The following VPS13C variants were observed in gnomAD, a reference collection of about 807,000 sequenced individuals.
VPS13C encodes vacuolar protein sorting 13 homolog C.
Under a neutral mutation model 456.8 loss-of-function variants are expected in VPS13C, and 358 were observed. That is an observed-to-expected ratio of 0.78 (90% confidence interval 0.72 to 0.86). VPS13C has a LOEUF of 0.86. VPS13C is among the 40% of genes least tolerant of loss of function. The probability of loss-of-function intolerance (pLI) is 0.00; values close to 1 mark genes in which losing one functional copy is unlikely to be tolerated. For synonymous variants in VPS13C, 1,578 were observed against 1,486.7 expected (o/e 1.06, Z -1.41); for missense variants, 4,818 against 4,385.4 (o/e 1.10, Z -2.79).
intron 45 of VPS13C, among the ~76,000 whole-genome samples, chr15:61,945,439 C>T (rs896772211): frequency 2.0e-5 from 3 of 152,138 alleles, no homozygotes; most frequent in Admixed American, 1.3e-4. Flanking sequence ...AAACAAGTTA[C>T]AGTGGAAAGC....
At chr15:62,007,753 A>T (rs886997483) in intron 14 of VPS13C, among the ~76,000 whole-genome samples, 8 of 152,244 alleles carry the variant, frequency 5.3e-5, no homozygotes, top group South Asian at 2.1e-4. Flanking sequence ...CACTGAGTCT[A>T]TGTGGATGAC....
chr15:61,889,891 A>G (rs1286861139), intron 67 of VPS13C, among the ~76,000 whole-genome samples: 1 of 151,938 alleles, frequency 6.6e-6, no homozygotes, highest in African/African-American at 2.4e-5. Context: ...ACACACACAC[A>G]CGCACACATT....
chr15:61,922,098 ATAGGG>A lies in VPS13C; in HGVS notation c.6976-70_6976-66del, dbSNP rs2043677383. The A allele has an allele frequency of 4.4e-5, 67 of 1,509,078 alleles. 3 individuals are homozygous for A. In the South Asian group the frequency reaches 7.4e-4, roughly 17 times the overall value. The allele number at this position is 1,509,078 out of a possible 1,614,324, so 93.5% of individuals were successfully genotyped here. ...CTTTAATTACATATTTCTGTAACCA[ATAGGG>A]AAATTATTAAGTAATCAATGTTATA... On this transcript the variant is annotated intron_variant, in intron 54 of 84. Transcript: ENST00000644861.
At chr15:61,915,089 A>G (rs2043426770) in intron 61 of VPS13C, among the ~76,000 whole-genome samples, 1 of 152,070 alleles carries the variant, frequency 6.6e-6, no homozygotes, top group Non-Finnish European at 1.5e-5. Context: ...CAGAAAAAAA[A>G]CAGGGGAAGA....
intron 45 of VPS13C, among the ~76,000 whole-genome samples, 157 bp downstream of exon 45, chr15:61,945,558 A>G (rs900770518): frequency 1.3e-5 from 2 of 152,228 alleles, no homozygotes; most frequent in Non-Finnish European, 2.9e-5. Flanking sequence ...TTTGGTTAAC[A>G]TCATGAAAAG....
chr15:61,992,444 A>G (rs1020747958), intron 16 of VPS13C, among the ~76,000 whole-genome samples: 5 of 152,196 alleles, frequency 3.3e-5, no homozygotes. Context: ...CATTCCCTGA[A>G]TAAGTAAATT....
chr15:61,973,261 T>C (rs1457895783), intron 26 of VPS13C, among the ~76,000 whole-genome samples, 193 bp downstream of exon 26: 1 of 152,168 alleles, frequency 6.6e-6, no homozygotes. Context: ...ACCCTTCATT[T>C]GTCCAACGAA....
intron 66 of VPS13C, among the ~76,000 whole-genome samples, chr15:61,900,991 C>A (rs373808516): frequency 6.6e-6 from 1 of 152,014 alleles, no homozygotes; most frequent in South Asian, 2.1e-4. Context: ...ACAAACCTGA[C>A]AAAAACAAGC....
chr15:61,870,940 C>T (rs551467824), intron 79 of VPS13C, among the ~76,000 whole-genome samples: 13 of 152,162 alleles, frequency 8.5e-5, no homozygotes, highest in Admixed American at 5.9e-4. Flanking sequence ...ATATCTTTTG[C>T]TCATTTAAAA....
chr15:62,009,953 C>T (rs937145502), intron 13 of VPS13C, among the ~76,000 whole-genome samples: 3 of 152,004 alleles, frequency 2.0e-5, no homozygotes, highest in South Asian at 4.2e-4. Flanking sequence ...TCTGGGAGGC[C>T]GAGGCGGGCA....
intron 37 of VPS13C, 105 bp from the exon 38 acceptor site, chr15:61,954,659 A>T: frequency 8.4e-7 from 1 of 1,189,048 alleles, no homozygotes; most frequent in Non-Finnish European, 1.1e-6. Context: ...GGCAATGAAA[A>T]TCCACGAATT....
chr15:62,019,040 G>A (rs562571954), intron 9 of VPS13C, among the ~76,000 whole-genome samples: 37 of 152,064 alleles, frequency 2.4e-4, no homozygotes, highest in African/African-American at 7.0e-4. Flanking sequence ...CGAGGAATTT[G>A]TCCATTTCTT....
At chr15:62,059,159 GTAT>G (rs2048903658) in intron 1 of VPS13C, among the ~76,000 whole-genome samples, 1 of 152,042 alleles carries the variant, frequency 6.6e-6, no homozygotes, top group African/African-American at 2.4e-5. Context: ...AATTATTGAG[GTAT>G]TATTTTTTTC....
intron 60 of VPS13C, among the ~76,000 whole-genome samples, chr15:61,916,561 A>G (rs1182501292): frequency 6.6e-6 from 1 of 152,170 alleles, no homozygotes; most frequent in East Asian, 1.9e-4. Context: ...CATAAATACT[A>G]TTTAATTCTT....
rs534280868 is a variant in VPS13C at position 61,940,223 on chromosome 15, C to T, written c.5601+424G>A. On this transcript the variant is annotated intron_variant, in intron 47 of 84. Transcript: ENST00000644861. The stretch of plus-strand genomic sequence containing the variant: ...TACTAAGGTGCTTTGAATGTAGTGT[C>T]TGAATATCACTTTGCATTGTCTTAC... Among the ~76,000 whole-genome samples, 7 of 152,244 alleles carry T rather than the reference C, an allele frequency of 4.6e-5. 1 individual carries two copies. The highest frequency in any genetic ancestry group is 1.7e-4 in the African/African-American group (7 of 41,554).
chr15:61,925,180 A>G (rs1206549489), intron 53 of VPS13C, among the ~76,000 whole-genome samples: 2 of 150,364 alleles, frequency 1.3e-5, no homozygotes, highest in Non-Finnish European at 3.0e-5. Flanking sequence ...TCCCTCCTCC[A>G]ACTCAACCCC....
At chr15:61,871,479 G>A (rs184532804) in intron 79 of VPS13C, among the ~76,000 whole-genome samples, 114 of 152,102 alleles carry the variant, frequency 7.5e-4, no homozygotes, top group Non-Finnish European at 1.4e-3. Context: ...CTATCCTTAT[G>A]TTAGTACTAC....
intron 81 of VPS13C, chr15:61,865,569 CGT>C: frequency 1.2e-6 from 1 of 801,448 alleles, no homozygotes; most frequent in Non-Finnish European, 1.5e-6. Context: ...TGTATGTTTG[CGT>C]ATATATGTGT....
chr15:61,965,946 G>C (rs560106140), intron 30 of VPS13C, 137 bp downstream of exon 30: 2 of 488,850 alleles, frequency 4.1e-6, no homozygotes, highest in Non-Finnish European at 3.6e-6. Flanking sequence ...GGTAAGTATC[G>C]ATGAGGTTAT....
Sources: allele counts gnomAD v4.1 joint callset (sites outside exome capture counted in the v4.1 genomes callset), GRCh38; gene constraint gnomAD v4.1.1; transcripts MANE v1.5; gene names NCBI Gene and HGNC (gene_info 2026-07-23, HGNC 2026-07-21).